The following SLC16A2 variants were observed in gnomAD, a reference collection of about 807,000 sequenced individuals.
The protein encoded by SLC16A2 is monocarboxylate transporter 8.
SLC16A2 carries 3 observed loss-of-function variants against 27.2 expected under a neutral mutation model. That is an observed-to-expected ratio of 0.11 (90% CI 0.05 to 0.28). The LOEUF is 0.28. Among genes scored for constraint, SLC16A2 ranks in the 10% least tolerant of loss-of-function variants. SLC16A2 has a pLI of 1.00. For missense variants in SLC16A2, 295 were observed against 458.5 expected (o/e 0.64, Z 3.26); for synonymous variants, 202 against 187.8 (o/e 1.08, Z -0.62).
chrX:74,529,357 G>T lies in SLC16A2; in HGVS notation c.1315G>T (p.Val439Leu). 8.3e-7 allele frequency: 1 copy of T among 1,206,874 alleles called. No individual in the cohort carries two copies. The highest frequency in any genetic ancestry group is 1.1e-6 in the Non-Finnish European group (1 of 892,719). The change falls in exon 5 of 6, where the codon GTG becomes TTG. Residue 439 changes from valine (V) to leucine (L), a missense_variant. Val to Leu is a conservative substitution (Grantham distance 32, BLOSUM62 1). Around this residue, in one of 3 missense-constraint regions of SLC16A2, gnomAD observed 144 missense variants for 219.8 expected, o/e 0.66. Coordinates refer to ENST00000587091, the MANE Select transcript of SLC16A2 (RefSeq NM_006517.5). ...CATGGCCCCCATTGCATTTGAGCTG[G>T]TGGGCCCAATGCAGGCCTCACAGGC... ...TIMAPIAFEL[V>L]GPMQASQAIG...
At chrX:74,526,979 G>C (rs1261941380) in intron 4 of SLC16A2, among the ~76,000 whole-genome samples, 1 of 112,575 alleles carries the variant, frequency 8.9e-6, no homozygotes, top group Non-Finnish European at 1.9e-5. Flanking sequence ...CTGGAAATCA[G>C]GGTAATCTGG....
rs1602144232 is a variant in SLC16A2 at position 74,531,690 on chromosome X, G to T, written c.*137G>T. 1 of 533,964 alleles carries T rather than the reference G, an allele frequency of 1.9e-6. No homozygotes were observed. Among genetic ancestry groups the T allele is most frequent in the Admixed American group, 2.6e-5 (1 of 38,155 alleles). The allele number at this position is 533,964 out of a possible 1,213,427, so 44.0% of individuals were successfully genotyped here. A position where few individuals can be genotyped will look rare whatever the true frequency, so the allele number is the denominator to read the frequency against. ...ATTTCAGCCACCTGACAATCTCCTT[G>T]GAGTCAAAGCTCCAGGTGTTCCAAA... On this transcript the variant is annotated 3_prime_UTR_variant, in exon 6 of 6. Transcript: ENST00000587091.
At chrX:74,424,158 G>T in intron 1 of SLC16A2, among the ~76,000 whole-genome samples, 1 of 110,364 alleles carries the variant, frequency 9.1e-6, no homozygotes, top group Admixed American at 9.7e-5. Flanking sequence ...CTCTGACACA[G>T]ACCAGGTTCA....
intron 1 of SLC16A2, among the ~76,000 whole-genome samples, chrX:74,429,236 G>C (rs957330107): frequency 1.8e-5 from 2 of 111,655 alleles, no homozygotes; most frequent in Non-Finnish European, 3.8e-5. Context: ...GGGAGGCTGA[G>C]GCAGGAGGAT....
At chrX:74,496,184 T>C (rs1929930318) in intron 1 of SLC16A2, among the ~76,000 whole-genome samples, 1 of 110,172 alleles carries the variant, frequency 9.1e-6, no homozygotes, top group Admixed American at 9.7e-5. Flanking sequence ...AGTTAGGGCA[T>C]TAACTAAAAG....
chrX:74,441,613 C>A (rs1340637001), intron 1 of SLC16A2, among the ~76,000 whole-genome samples: 2 of 111,720 alleles, frequency 1.8e-5, no homozygotes, highest in African/African-American at 6.5e-5. Flanking sequence ...CCAGACCTGT[C>A]TCCCTGAAGG....
chrX:74,425,700 T>TAG (rs767233595), intron 1 of SLC16A2, among the ~76,000 whole-genome samples: 25 of 111,464 alleles, frequency 2.2e-4, no homozygotes, highest in African/African-American at 7.8e-4. Context: ...GCAATAGGGT[T>TAG]AGGGTTGGGA....
At chrX:74,448,581 G>A (rs911190923) in intron 1 of SLC16A2, among the ~76,000 whole-genome samples, 53 of 111,039 alleles carry the variant, frequency 4.8e-4, no homozygotes, top group African/African-American at 1.7e-3. Flanking sequence ...CTTAAAGCTA[G>A]GCTCCCAACT....
rs747830728 is a variant in SLC16A2 at position 74,494,681 on chromosome X, G to A, written c.431-26309G>A. Among the ~76,000 whole-genome samples the A allele has an allele frequency of 2.6e-4, 29 of 111,058 alleles. No homozygotes were observed. The South Asian group carries it at 5.1e-3, about 19-fold the overall frequency. On this transcript the variant is annotated intron_variant, in intron 1 of 5. Coordinates refer to ENST00000587091, the MANE Select transcript of SLC16A2 (RefSeq NM_006517.5). ...TGTCCTGGAAACCATGGACCTGCAG[G>A]CTCTTCCTGAGACCCCTGTGAGCTC... is the stretch of plus-strand genomic sequence containing the variant.
intron 1 of SLC16A2, among the ~76,000 whole-genome samples, chrX:74,447,742 G>A (rs780043305): frequency 9.2e-6 from 1 of 109,194 alleles, no homozygotes; most frequent in African/African-American, 3.3e-5. Context: ...ACTCTGGAAA[G>A]CTGAGGCGGG....
intron 1 of SLC16A2, among the ~76,000 whole-genome samples, chrX:74,429,803 T>C (rs893203811): frequency 2.7e-5 from 3 of 112,032 alleles, no homozygotes; most frequent in Non-Finnish European, 5.6e-5. Context: ...AGTCACTTGT[T>C]CAGGTCACTG....
intron 1 of SLC16A2, among the ~76,000 whole-genome samples, chrX:74,456,896 G>A (rs940959270): frequency 8.9e-6 from 1 of 111,990 alleles, no homozygotes; most frequent in African/African-American, 3.2e-5. Flanking sequence ...GAGACATGAG[G>A]GTTCAGAGAG....
chrX:74,529,207 C>T lies in SLC16A2; in HGVS notation c.1171-6C>T, dbSNP rs1243647722. ...ACAACCTGACCTCAGGCCCTTGTTTCTCCAGGTCCTTTCCTTCCTGCTCCT... is the reference window on the plus strand; with the variant it reads ...ACAACCTGACCTCAGGCCCTTGTTTTTCCAGGTCCTTTCCTTCCTGCTCCT... On this transcript the variant is annotated splice_polypyrimidine_tract_variant and splice_region_variant and intron_variant, in intron 4 of 5. Coordinates refer to ENST00000587091, the MANE Select transcript of SLC16A2 (RefSeq NM_006517.5). The T allele has an allele frequency of 1.7e-6, 2 of 1,199,261 alleles. No homozygotes were observed. Among genetic ancestry groups the T allele is most frequent in the African/African-American group, 3.5e-5 (2 of 57,180 alleles).
chrX:74,523,554 C>T (rs753129281), intron 2 of SLC16A2, among the ~76,000 whole-genome samples: 1 of 111,962 alleles, frequency 8.9e-6, no homozygotes, highest in Non-Finnish European at 1.9e-5. Context: ...GTTACAGAGG[C>T]TTATGTCCAC....
chrX:74,434,876 C>T (rs1307924911), intron 1 of SLC16A2, among the ~76,000 whole-genome samples: 2 of 100,253 alleles, frequency 2.0e-5, no homozygotes, highest in African/African-American at 7.6e-5. Flanking sequence ...AGTGCAGTGG[C>T]GCGATCTCGG....
At chrX:74,475,995 T>C (rs1481150356) in intron 1 of SLC16A2, among the ~76,000 whole-genome samples, 3 of 111,489 alleles carry the variant, frequency 2.7e-5, no homozygotes, top group Non-Finnish European at 5.7e-5. Context: ...AACTTTAAAG[T>C]AGTTTTTTCC....
rs1030045107 is a variant in SLC16A2, at chrX:74,507,683, T to C, written c.431-13307T>C. ...AGTAGATGATTGGATAAAGGAAATG[T>C]GGCATATTTATACCACAGAATACTA... is the stretch of plus-strand genomic sequence containing the variant. On this transcript the variant is annotated intron_variant, in intron 1 of 5. Transcript: ENST00000587091. 2.1e-3 allele frequency among the ~76,000 whole-genome samples: 239 copies of C among 112,230 alleles called. 6 individuals carry two copies. Among genetic ancestry groups the C allele is most frequent in the Non-Finnish European group, 4.5e-4 (24 of 53,254 alleles).
intron 1 of SLC16A2, among the ~76,000 whole-genome samples, chrX:74,471,825 C>T (rs1470884159): frequency 8.9e-6 from 1 of 111,785 alleles, no homozygotes; most frequent in Admixed American, 9.6e-5. Context: ...CAGTCCTTGG[C>T]AACCACCATT....
Position 74,421,784 on chromosome X carries a change from C to G in SLC16A2, c.147C>G (p.Pro49=), listed in dbSNP as rs1320434227. The change falls in exon 1 of 6, where the codon CCC becomes CCG. Residue 49 remains proline, a synonymous_variant. Transcript: ENST00000587091. ...PEPEPVPVPP[P]EPQPEPQPLP... ...CCGAGCCCGTGCCAGTGCCCCCGCC[C>G]GAGCCCCAGCCGGAGCCCCAGCCCC... 6 of 1,147,099 alleles carry G rather than the reference C, an allele frequency of 5.2e-6. No homozygotes were observed. The highest frequency in any genetic ancestry group is 7.0e-6 in the Non-Finnish European group (6 of 858,356). The allele number at this position is 1,147,099 out of a possible 1,213,427, so 94.5% of individuals were successfully genotyped here.
Sources: allele counts gnomAD v4.1 joint callset (sites outside exome capture counted in the v4.1 genomes callset), GRCh38; gene constraint gnomAD v4.1.1; regional missense constraint gnomAD v4.1.1; transcripts MANE v1.5; gene names NCBI Gene and HGNC (gene_info 2026-07-23, HGNC 2026-07-21).